The following MACROD2 variants were observed in gnomAD, a reference collection of about 807,000 sequenced individuals.
MACROD2 encodes mono-ADP ribosylhydrolase 2, also known as ADP-ribose glycohydrolase MACROD2.
A neutral mutation model predicts 70.4 loss-of-function variants in MACROD2; 36 were observed. That is an observed-to-expected ratio of 0.51 (90% CI 0.39 to 0.68). MACROD2 has a LOEUF of 0.68. Among genes scored for constraint, MACROD2 ranks in the 30% least tolerant of loss-of-function variants. The pLI, the probability that MACROD2 is intolerant of heterozygous loss-of-function variation, is 0.00. For missense variants in MACROD2, 496 were observed against 538.4 expected (o/e 0.92, Z 0.78); for synonymous variants, 172 against 178.8 (o/e 0.96, Z 0.30).
chr20:15,084,866 A>G (rs1042468075), intron 5 of MACROD2, among the ~76,000 whole-genome samples: 3 of 152,320 alleles, frequency 2.0e-5, no homozygotes, highest in African/African-American at 4.8e-5. Flanking sequence ...TACAGATTCA[A>G]TGCAATACTT....
intron 7 of MACROD2, among the ~76,000 whole-genome samples, chr20:15,480,462 T>C (rs1417424227): frequency 1.3e-5 from 2 of 152,348 alleles, no homozygotes; most frequent in East Asian, 3.9e-4. Flanking sequence ...TTAGAAGTGA[T>C]AATCTAGTGA....
At chr20:14,030,549 A>G (rs1601134698) in intron 2 of MACROD2, among the ~76,000 whole-genome samples, 1 of 151,968 alleles carries the variant, frequency 6.6e-6, no homozygotes, top group Admixed American at 6.6e-5. Flanking sequence ...AGCTAGGACT[A>G]CAGGCACACA....
At chr20:15,275,249 A>G (rs1247358663) in intron 6 of MACROD2, among the ~76,000 whole-genome samples, 1 of 152,188 alleles carries the variant, frequency 6.6e-6, no homozygotes, top group Non-Finnish European at 1.5e-5. Flanking sequence ...CAAACAAACA[A>G]ACAAAAACAA....
In MACROD2 at chr20:15,230,010, T is replaced by G. The variant is rs1311333877; in HGVS notation, c.489T>G (p.Asn163Lys). Residue 163 changes from asparagine to lysine, a missense_variant, in exon 6 of 18, where the codon AAT (asparagine) becomes AAG (lysine). Transcript: ENST00000684519. Reference protein sequence around the residue: ...INGSHKEDLANCYKSSLKLVK... With the variant: ...INGSHKEDLAKCYKSSLKLVK... The stretch of plus-strand genomic sequence containing the variant: ...GTTCCCACAAGGAAGACCTTGCAAA[T>G]TGCTATAAATCATCTCTGAAGCTCG... The G allele has an allele frequency of 1.2e-6, 2 of 1,613,804 alleles. No individual in the cohort carries two copies. The highest frequency in any genetic ancestry group is 1.7e-6 in the Non-Finnish European group (2 of 1,179,780).
intron 3 of MACROD2, among the ~76,000 whole-genome samples, chr20:14,486,480 G>A (rs2084731929): frequency 6.8e-6 from 1 of 146,926 alleles, no homozygotes; most frequent in Non-Finnish European, 1.5e-5. Flanking sequence ...GTTTTGAGGA[G>A]TAAACAGGAG....
At chr20:15,358,031 A>G (rs1414395046) in intron 6 of MACROD2, among the ~76,000 whole-genome samples, 3 of 151,882 alleles carry the variant, frequency 2.0e-5, no homozygotes, top group Non-Finnish European at 2.9e-5. Flanking sequence ...GATGGTCTCT[A>G]TCTCCTGACC....
intron 6 of MACROD2, among the ~76,000 whole-genome samples, chr20:15,366,828 T>C (rs1288332026): frequency 6.6e-6 from 1 of 151,910 alleles, no homozygotes; most frequent in Non-Finnish European, 1.5e-5. Context: ...CCCAGTGTGC[T>C]GACATGAGCC....
chr20:15,461,006 A>AT (rs951397131), intron 7 of MACROD2, among the ~76,000 whole-genome samples: 704 of 66,992 alleles, frequency 0.011, 22 homozygotes, highest in Middle Eastern at 0.026. Context: ...ATATATATAT[A>AT]TTTTTTTTTA....
At chr20:14,019,858 A>T (rs6110134) in intron 2 of MACROD2, among the ~76,000 whole-genome samples, 26,587 of 152,090 alleles carry the variant, frequency 0.17, 2,520 homozygotes, top group South Asian at 0.23. Context: ...TATCCTCCGA[A>T]TAATGGCTGG....
intron 5 of MACROD2, among the ~76,000 whole-genome samples, chr20:14,708,742 C>T (rs1246626789): frequency 3.9e-5 from 6 of 152,014 alleles, no homozygotes; most frequent in South Asian, 2.1e-4. Context: ...CTCAGCCTCC[C>T]GAGTAGCTGG....
intron 2 of MACROD2, among the ~76,000 whole-genome samples, chr20:14,021,921 G>A (rs997926358): frequency 1.3e-5 from 2 of 152,154 alleles, no homozygotes; most frequent in Non-Finnish European, 2.9e-5. Context: ...TTAGGGGGAA[G>A]GGGAAAGGGA....
chr20:15,373,181 A>T (rs953970594), intron 6 of MACROD2, among the ~76,000 whole-genome samples: 1 of 152,172 alleles, frequency 6.6e-6, no homozygotes, highest in Non-Finnish European at 1.5e-5. Flanking sequence ...GAATTCTGTG[A>T]TAGGCCATGT....
chr20:15,751,929 G>A (rs1272366849), intron 8 of MACROD2, among the ~76,000 whole-genome samples: 1 of 151,374 alleles, frequency 6.6e-6, no homozygotes. Flanking sequence ...AAAAGAATGA[G>A]GTACATGGCT....
At chr20:15,613,406 G>C (rs370954212) in intron 8 of MACROD2, among the ~76,000 whole-genome samples, 1 of 152,150 alleles carries the variant, frequency 6.6e-6, no homozygotes, top group East Asian at 1.9e-4. Context: ...TTCGGTGCCT[G>C]TCCTTCCTGC....
chr20:14,185,521 C>T (rs2081337513), intron 3 of MACROD2, among the ~76,000 whole-genome samples: 1 of 152,108 alleles, frequency 6.6e-6, no homozygotes, highest in Non-Finnish European at 1.5e-5. Flanking sequence ...GTGTGTAATA[C>T]ACTGCTGGAT....
chr20:15,298,641 A>G (rs2077613259), intron 6 of MACROD2, among the ~76,000 whole-genome samples: 1 of 152,206 alleles, frequency 6.6e-6, no homozygotes, highest in Admixed American at 6.5e-5. Flanking sequence ...TATTTTTAGT[A>G]ACTTACTTTT....
chr20:15,432,056 C>CT (rs985742767), intron 7 of MACROD2, among the ~76,000 whole-genome samples: 2 of 151,890 alleles, frequency 1.3e-5, no homozygotes, highest in African/African-American at 4.8e-5. Flanking sequence ...CCTACAAGAA[C>CT]TTTTTTATAC....
chr20:14,069,876 C>T (rs972423443), intron 2 of MACROD2, among the ~76,000 whole-genome samples: 18 of 151,612 alleles, frequency 1.2e-4, no homozygotes, highest in African/African-American at 4.1e-4. Flanking sequence ...ATTGCTTGCA[C>T]GTTGGTGTCT....
chr20:15,021,576 T>A (rs1368556804), intron 5 of MACROD2: 1 of 151,696 alleles, frequency 6.6e-6, no homozygotes, highest in African/African-American at 2.4e-5. Flanking sequence ...GCTTCACAAG[T>A]TTCCATGTCA....
Sources: allele counts gnomAD v4.1 joint callset (sites outside exome capture counted in the v4.1 genomes callset), GRCh38; gene constraint gnomAD v4.1.1; transcripts MANE v1.5; gene names NCBI Gene and HGNC (gene_info 2026-07-23, HGNC 2026-07-21).